ROBO2: variants seen among roughly 807,000 people sequenced by gnomAD.
The protein encoded by ROBO2 is roundabout homolog 2.
Under a neutral mutation model 160.8 loss-of-function variants are expected in ROBO2, and 53 were observed. That is an observed-to-expected ratio of 0.33 (90% CI 0.26 to 0.41). The LOEUF is 0.41. ROBO2 is among the 10% of genes least tolerant of loss of function. ROBO2 has a pLI of 1.00. For missense variants in ROBO2, 1,577 were observed against 1,722.4 expected (o/e 0.92, Z 1.49); for synonymous variants, 664 against 611.7 (o/e 1.09, Z -1.26).
intron 2 of ROBO2, among the ~76,000 whole-genome samples, chr3:76,365,357 T>C (rs186530862): frequency 5.5e-4 from 84 of 152,170 alleles, no homozygotes; most frequent in African/African-American, 2.0e-3. Flanking sequence ...TTGTCCTCTT[T>C]CCTCTGAGCC....
At chr3:76,610,235 C>A (rs2087988513) in intron 2 of ROBO2, among the ~76,000 whole-genome samples, 1 of 152,126 alleles carries the variant, frequency 6.6e-6, no homozygotes, top group Admixed American at 6.5e-5. Context: ...TTACAGGATT[C>A]CTTTGGAGCC....
chr3:75,954,291 T>C (rs1316582010), intron 2 of ROBO2, among the ~76,000 whole-genome samples: 2 of 151,890 alleles, frequency 1.3e-5, no homozygotes. Flanking sequence ...GATACAGCTA[T>C]AAGGCTGTGT....
In ROBO2 at chr3:77,463,476, C is replaced by T. The variant is rs79788530; in HGVS notation, c.389-13938C>T. On this transcript the variant is annotated intron_variant, in intron 2 of 25. Transcript: ENST00000461745. The stretch of plus-strand genomic sequence containing the variant: ...CTACTCGCTTATTCATAGCGATGAT[C>T]GCTTTTAGCAATTGCATAGTAATTG... Among the ~76,000 whole-genome samples the T allele has an allele frequency of 9.2e-5, 14 of 152,016 alleles. No homozygotes were observed. The East Asian group carries it at 9.7e-4, about 11-fold the overall frequency.
At chr3:77,596,734 A>T in exon 19 of ROBO2, 1 of 1,613,456 alleles carries the variant, frequency 6.2e-7, no homozygotes, top group East Asian at 2.2e-5. Flanking sequence ...ATGAGATTGG[A>T]AATTTTGGCC....
At chr3:77,001,331 T>G (rs2149419330) in intron 2 of ROBO2, among the ~76,000 whole-genome samples, 1 of 152,268 alleles carries the variant, frequency 6.6e-6, no homozygotes, top group East Asian at 1.9e-4. Context: ...TCATAAAATG[T>G]GTGGCATTCT....
intron 2 of ROBO2, among the ~76,000 whole-genome samples, chr3:76,815,406 GCTCCCA>G (rs2065574126): frequency 6.6e-6 from 1 of 150,698 alleles, no homozygotes; most frequent in African/African-American, 2.4e-5. Context: ...TTGAAAACCT[GCTCCCA>G]GTCAACAGCA....
At chr3:77,098,340 T>G (rs767282187) in exon 2 of ROBO2, 1 of 1,614,150 alleles carries the variant, frequency 6.2e-7, no homozygotes, top group Admixed American at 1.7e-5. Flanking sequence ...GGAAGTGGCA[T>G]GTAAGTGAAC....
intron 4 of ROBO2, among the ~76,000 whole-genome samples, chr3:77,489,588 G>A (rs2085812366): frequency 6.6e-6 from 1 of 152,182 alleles, no homozygotes; most frequent in Non-Finnish European, 1.5e-5. Flanking sequence ...GGAAGGGACA[G>A]CTTAGTTTTG....
intron 2 of ROBO2, among the ~76,000 whole-genome samples, chr3:76,621,733 C>T (rs2089100483): frequency 6.6e-6 from 1 of 152,270 alleles, no homozygotes; most frequent in African/African-American, 2.4e-5. Flanking sequence ...GTACTTGTTA[C>T]TGCTATTAGT....
At chr3:76,829,659 CT>C (rs1301976905) in intron 2 of ROBO2, among the ~76,000 whole-genome samples, 4 of 144,430 alleles carry the variant, frequency 2.8e-5, no homozygotes, top group South Asian at 2.3e-4. Context: ...CCTTTTCTTT[CT>C]TTTTTTTTCT....
intron 2 of ROBO2, among the ~76,000 whole-genome samples, chr3:77,021,572 A>T (rs1442946423): frequency 6.6e-6 from 1 of 152,230 alleles, no homozygotes; most frequent in Non-Finnish European, 1.5e-5. Context: ...AACAGGAAGG[A>T]TAGTTACACA....
chr3:77,376,237 C>G (rs909889098), intron 2 of ROBO2, among the ~76,000 whole-genome samples: 6 of 149,310 alleles, frequency 4.0e-5, no homozygotes, highest in Admixed American at 2.7e-4. Flanking sequence ...TCACTGCAAC[C>G]TCCGCCTCCC....
intron 2 of ROBO2, among the ~76,000 whole-genome samples, chr3:76,494,653 C>G (rs1025785458): frequency 6.6e-6 from 1 of 152,038 alleles, no homozygotes; most frequent in Non-Finnish European, 1.5e-5. Flanking sequence ...GCCTTTGTAC[C>G]TGCTGTTTCT....
chr3:76,730,230 C>CACCTCCTACTCCCTACTCGCTTG (rs2093615746), intron 2 of ROBO2, among the ~76,000 whole-genome samples: 1 of 51,530 alleles, frequency 1.9e-5, no homozygotes, highest in Admixed American at 2.1e-4. Flanking sequence ...CTACCCACCT[C>CACCTCCTACTCCCTACTCGCTTG]TCCTCACCTC....
intron 2 of ROBO2, among the ~76,000 whole-genome samples, chr3:77,132,334 C>T (rs2075921739): frequency 6.6e-6 from 1 of 151,936 alleles, no homozygotes; most frequent in African/African-American, 2.4e-5. Flanking sequence ...TAAAATGATC[C>T]TACATAGACC....
At chr3:76,978,660 C>T (rs1011049090) in intron 2 of ROBO2, among the ~76,000 whole-genome samples, 2 of 152,054 alleles carry the variant, frequency 1.3e-5, no homozygotes, top group East Asian at 3.9e-4. Flanking sequence ...GTCTATGTCT[C>T]AGAGAAATAA....
intron 2 of ROBO2, among the ~76,000 whole-genome samples, chr3:76,893,638 A>G (rs2074533958): frequency 6.6e-6 from 1 of 152,112 alleles, no homozygotes; most frequent in Non-Finnish European, 1.5e-5. Context: ...GTATCCATGA[A>G]TTCAAATATT....
intron 2 of ROBO2, among the ~76,000 whole-genome samples, chr3:76,334,999 C>A (rs986204482): frequency 1.3e-5 from 2 of 151,676 alleles, no homozygotes; most frequent in African/African-American, 4.8e-5. Context: ...TGCTTTTTTT[C>A]ATCTATTTTT....
intron 2 of ROBO2, among the ~76,000 whole-genome samples, chr3:77,269,196 T>C (rs559121506): frequency 6.6e-6 from 1 of 152,292 alleles, no homozygotes; most frequent in South Asian, 2.1e-4. Context: ...AAGATGAAAT[T>C]TCATGTACAC....
Sources: allele counts gnomAD v4.1 joint callset (sites outside exome capture counted in the v4.1 genomes callset), GRCh38; gene constraint gnomAD v4.1.1; transcripts MANE v1.5; gene names NCBI Gene and HGNC (gene_info 2026-07-23, HGNC 2026-07-21).